Variants in PTN observed in about 807,000 individuals in gnomAD.
PTN encodes heparin affin regulatory protein.
A neutral mutation model predicts 24.1 loss-of-function variants in PTN; 18 were observed. The ratio of observed to expected loss-of-function variants is 0.75; its 90% confidence interval spans 0.52 to 1.11. The LOEUF (loss-of-function observed/expected upper bound fraction) is 1.11, where lower values mean the gene tolerates loss of function less well. Ranked by LOEUF, PTN falls within the 50% of genes least tolerant of loss-of-function variation. The pLI, the probability that PTN is intolerant of heterozygous loss-of-function variation, is 0.00. For missense variants in PTN, 163 were observed against 198.8 expected (o/e 0.82, Z 1.08); for synonymous variants, 78 against 68.6 (o/e 1.14, Z -0.67).
rs533628683 is a variant in PTN, at chr7:137,295,765, G to A, written c.-1-40791C>T. 2.2e-4 allele frequency among the ~76,000 whole-genome samples: 33 copies of A among 151,706 alleles called. No individual in the cohort carries two copies. In the South Asian group the frequency reaches 4.6e-3, roughly 21 times the overall value. The stretch of plus-strand genomic sequence containing the variant: ...GGCTCACATTATATTTGTATTGGCC[G>A]GTACTTCATATACTAATTTTTTCTA... On this transcript the variant is annotated intron_variant, in intron 1 of 4. Coordinates refer to ENST00000348225, the MANE Select transcript of PTN (RefSeq NM_002825.7).
chr7:137,294,323 C>T (rs773771089), intron 1 of PTN, among the ~76,000 whole-genome samples: 74 of 152,112 alleles, frequency 4.9e-4, no homozygotes, highest in Non-Finnish European at 8.5e-4. Context: ...GAAGGCACCT[C>T]TTCCTCCAGG....
At chr7:137,324,431 A>AAAAAAAAT (rs1562923804) in intron 1 of PTN, among the ~76,000 whole-genome samples, 1 of 63,082 alleles carries the variant, frequency 1.6e-5, no homozygotes, top group Non-Finnish European at 2.8e-5. Flanking sequence ...AAAAAAAAAA[A>AAAAAAAAT]AAATATATAT....
chr7:137,310,418 T>G (rs1191070593), intron 1 of PTN, among the ~76,000 whole-genome samples: 1 of 127,254 alleles, frequency 7.9e-6, no homozygotes, highest in Admixed American at 7.5e-5. Flanking sequence ...TTTTTTTTTT[T>G]GAGATAGTCT....
chr7:137,329,748 T>C (rs1321953516), intron 1 of PTN, among the ~76,000 whole-genome samples: 1 of 152,158 alleles, frequency 6.6e-6, no homozygotes, highest in Non-Finnish European at 1.5e-5. Flanking sequence ...AAGCATGGAT[T>C]GAGTACTATC....
chr7:137,281,840 C>T (rs1190972932), intron 1 of PTN, among the ~76,000 whole-genome samples: 2 of 152,130 alleles, frequency 1.3e-5, no homozygotes, highest in African/African-American at 2.4e-5. Flanking sequence ...AAGACTTTGC[C>T]TGTGCTAAGA....
chr7:137,267,529 A>G (rs1456064729), intron 1 of PTN, among the ~76,000 whole-genome samples: 2 of 152,100 alleles, frequency 1.3e-5, no homozygotes, highest in African/African-American at 2.4e-5. Context: ...CTGATGGCCA[A>G]CCCACCTCAA....
At chr7:137,322,054 C>G (rs1485677509) in intron 1 of PTN, among the ~76,000 whole-genome samples, 1 of 152,280 alleles carries the variant, frequency 6.6e-6, no homozygotes, top group African/African-American at 2.4e-5. Flanking sequence ...TGGCACTCTC[C>G]TTCCTAAACC....
chr7:137,284,077 C>T (rs1809516910), intron 1 of PTN, among the ~76,000 whole-genome samples: 1 of 147,262 alleles, frequency 6.8e-6, no homozygotes, highest in Non-Finnish European at 1.5e-5. Context: ...CGCCATTCTC[C>T]TGCCTCAGCC....
At chr7:137,321,734 C>T (rs1399686168) in intron 1 of PTN, among the ~76,000 whole-genome samples, 1 of 152,102 alleles carries the variant, frequency 6.6e-6, no homozygotes, top group East Asian at 1.9e-4. Flanking sequence ...AAATATGTGG[C>T]TCCAGATTTA....
intron 1 of PTN, among the ~76,000 whole-genome samples, chr7:137,259,500 A>T (rs980304933): frequency 6.6e-6 from 1 of 152,082 alleles, no homozygotes; most frequent in Non-Finnish European, 1.5e-5. Flanking sequence ...GAGACTTGTC[A>T]TGAAGATTAC....
intron 1 of PTN, among the ~76,000 whole-genome samples, chr7:137,317,137 C>G (rs1051722279): frequency 2.0e-5 from 3 of 152,144 alleles, no homozygotes; most frequent in Admixed American, 6.5e-5. Flanking sequence ...ATCTGTCACT[C>G]CATATGTCAG....
chr7:137,297,119 G>A (rs1211384439), intron 1 of PTN, among the ~76,000 whole-genome samples: 1 of 152,016 alleles, frequency 6.6e-6, no homozygotes, highest in Non-Finnish European at 1.5e-5. Context: ...CATAAGATAT[G>A]GACAGATAAA....
chr7:137,332,816 GC>G (rs1273825675), intron 1 of PTN, among the ~76,000 whole-genome samples: 1 of 152,064 alleles, frequency 6.6e-6, no homozygotes, highest in Non-Finnish European at 1.5e-5. Context: ...ACAAATTAAG[GC>G]CACCATATGT....
intron 1 of PTN, among the ~76,000 whole-genome samples, chr7:137,299,022 C>T (rs567619535): frequency 3.3e-5 from 5 of 151,988 alleles, no homozygotes; most frequent in East Asian, 1.9e-4. Flanking sequence ...AGAAAATATT[C>T]GTTACCCCTG....
At chr7:137,277,977 C>A (rs1809392865) in intron 1 of PTN, among the ~76,000 whole-genome samples, 1 of 151,846 alleles carries the variant, frequency 6.6e-6, no homozygotes, top group South Asian at 2.1e-4. Context: ...GTTGCATGAT[C>A]TAAACTAAAA....
At chr7:137,228,289 A>G (rs1396478910) in intron 4 of PTN, among the ~76,000 whole-genome samples, 1 of 151,700 alleles carries the variant, frequency 6.6e-6, no homozygotes, top group Non-Finnish European at 1.5e-5. Flanking sequence ...TTTTGACAAA[A>G]GAGTGCCTGT....
intron 1 of PTN, among the ~76,000 whole-genome samples, chr7:137,278,495 A>T (rs1356283855): frequency 6.6e-6 from 1 of 152,120 alleles, no homozygotes; most frequent in Non-Finnish European, 1.5e-5. Flanking sequence ...GTCATGAGAA[A>T]GATCGTGTGG....
intron 1 of PTN, among the ~76,000 whole-genome samples, chr7:137,305,543 T>C (rs181744789): frequency 5.8e-4 from 88 of 152,260 alleles, no homozygotes; most frequent in Non-Finnish European, 8.5e-4. Context: ...TACTTTCAAA[T>C]AGATTTTTAA....
chr7:137,341,879 A>T (rs1810539823), intron 1 of PTN, among the ~76,000 whole-genome samples: 1 of 152,122 alleles, frequency 6.6e-6, no homozygotes, highest in South Asian at 2.1e-4. Flanking sequence ...ATTTTTTAAA[A>T]TCTCATCTTC....
Sources: allele counts gnomAD v4.1 joint callset (sites outside exome capture counted in the v4.1 genomes callset), GRCh38; gene constraint gnomAD v4.1.1; transcripts MANE v1.5; gene names NCBI Gene and HGNC (gene_info 2026-07-23, HGNC 2026-07-21).